PDE4B: variants seen among roughly 807,000 people sequenced by gnomAD.
PDE4B encodes 3',5'-cyclic-AMP phosphodiesterase 4B.
PDE4B carries 20 observed loss-of-function variants against 82.2 expected under a neutral mutation model. That is an observed-to-expected ratio of 0.24 (90% CI 0.17 to 0.35). The LOEUF (loss-of-function observed/expected upper bound fraction) is 0.35, where lower values mean the gene tolerates loss of function less well. Among genes scored for constraint, PDE4B ranks in the 10% least tolerant of loss-of-function variants. The pLI, the probability that PDE4B is intolerant of heterozygous loss-of-function variation, is 1.00. For missense variants in PDE4B, 655 were observed against 907.2 expected (o/e 0.72, Z 3.57); for synonymous variants, 320 against 318.9 (o/e 1.00, Z -0.04).
intron 1 of PDE4B, among the ~76,000 whole-genome samples, chr1:65,794,226 T>C (rs991804035): frequency 2.6e-5 from 4 of 152,212 alleles, no homozygotes; most frequent in African/African-American, 9.6e-5. Flanking sequence ...ATATAACTGT[T>C]CTTTGAATCA....
chr1:66,154,981 C>T (rs1162014395), intron 3 of PDE4B, among the ~76,000 whole-genome samples: 1 of 152,022 alleles, frequency 6.6e-6, no homozygotes, highest in Non-Finnish European at 1.5e-5. Context: ...AATTTGAGAC[C>T]AGCCTGAGCA....
chr1:65,844,472 A>G (rs1646246178), intron 1 of PDE4B, among the ~76,000 whole-genome samples: 1 of 152,194 alleles, frequency 6.6e-6, no homozygotes, highest in African/African-American at 2.4e-5. Flanking sequence ...GACAAATGGA[A>G]GCTTTCCAGC....
chr1:66,322,890 G>A (rs962421223), intron 7 of PDE4B, among the ~76,000 whole-genome samples: 3 of 152,168 alleles, frequency 2.0e-5, no homozygotes, highest in Middle Eastern at 3.4e-3. Context: ...CCCCATTTTA[G>A]AGATGAGGAA....
At chr1:66,023,480 C>A (rs1232183232) in intron 3 of PDE4B, among the ~76,000 whole-genome samples, 2 of 151,938 alleles carry the variant, frequency 1.3e-5, no homozygotes, top group Non-Finnish European at 2.9e-5. Flanking sequence ...GTGGCAGAGA[C>A]AATAAACACA....
intron 3 of PDE4B, among the ~76,000 whole-genome samples, chr1:66,227,418 A>T (rs1015713914): frequency 6.6e-6 from 1 of 152,234 alleles, no homozygotes; most frequent in Admixed American, 6.5e-5. Context: ...TTAAAATATT[A>T]TGTACCTCAT....
intron 7 of PDE4B, among the ~76,000 whole-genome samples, chr1:66,310,890 T>C (rs975713399): frequency 2.0e-5 from 3 of 152,204 alleles, no homozygotes; most frequent in Non-Finnish European, 2.9e-5. Flanking sequence ...TAAACACTAA[T>C]AGTATGTAAA....
intron 1 of PDE4B, among the ~76,000 whole-genome samples, chr1:65,896,045 G>A (rs1228515557): frequency 6.6e-6 from 1 of 151,382 alleles, no homozygotes; most frequent in Non-Finnish European, 1.5e-5. Flanking sequence ...TATATTTGAA[G>A]GATGTTGGTA....
At chr1:65,868,793 A>C (rs1646541436) in intron 1 of PDE4B, among the ~76,000 whole-genome samples, 1 of 152,200 alleles carries the variant, frequency 6.6e-6, no homozygotes, top group Non-Finnish European at 1.5e-5. Flanking sequence ...AGGTGGCATT[A>C]GGTTTTCATA....
intron 7 of PDE4B, among the ~76,000 whole-genome samples, chr1:66,307,923 C>G (rs1658399443): frequency 6.6e-6 from 1 of 152,114 alleles, no homozygotes; most frequent in Admixed American, 6.5e-5. Flanking sequence ...GTCAGGTTCT[C>G]AAGGGTGCTT....
At chr1:66,266,509 A>G (rs1209321802) in intron 7 of PDE4B, among the ~76,000 whole-genome samples, 1 of 152,222 alleles carries the variant, frequency 6.6e-6, no homozygotes, top group Admixed American at 6.5e-5. Context: ...CTTAATGTCA[A>G]CTATAGATTC....
At chr1:66,104,791 T>C (rs1044456094) in intron 3 of PDE4B, among the ~76,000 whole-genome samples, 4 of 150,058 alleles carry the variant, frequency 2.7e-5, no homozygotes, top group South Asian at 4.3e-4. Flanking sequence ...GGGTTGTTTG[T>C]TTTTTTCTTG....
At chr1:66,339,459 C>G (rs1660793018) in intron 8 of PDE4B, among the ~76,000 whole-genome samples, 1 of 152,184 alleles carries the variant, frequency 6.6e-6, no homozygotes, top group South Asian at 2.1e-4. Flanking sequence ...TTGGTTTTAA[C>G]AGAACCATTT....
chr1:66,106,906 T>C (rs1645374016), intron 3 of PDE4B, among the ~76,000 whole-genome samples: 1 of 134,230 alleles, frequency 7.4e-6, no homozygotes. Context: ...GATTCATTAA[T>C]TTTTTGAAGG....
intron 3 of PDE4B, among the ~76,000 whole-genome samples, chr1:66,201,558 CTTTG>C (rs1253170398): frequency 6.7e-6 from 1 of 150,108 alleles, no homozygotes; most frequent in Non-Finnish European, 1.5e-5. Flanking sequence ...TTAACTTCTT[CTTTG>C]TTTAGTCTTG....
chr1:66,239,075 G>A (rs1444310916), intron 3 of PDE4B, among the ~76,000 whole-genome samples: 1 of 152,130 alleles, frequency 6.6e-6, no homozygotes, highest in Non-Finnish European at 1.5e-5. Context: ...TTGATCTTGA[G>A]CTATTGGAAG....
intron 12 of PDE4B, 47 bp from the exon 13 acceptor site, chr1:66,365,620 G>A: frequency 9.2e-7 from 1 of 1,081,166 alleles, no homozygotes; most frequent in South Asian, 1.3e-5. Flanking sequence ...GAATAAGCAG[G>A]ATAGGCGAAT....
At chr1:66,291,441 T>C (rs1406166102) in intron 7 of PDE4B, among the ~76,000 whole-genome samples, 1 of 152,232 alleles carries the variant, frequency 6.6e-6, no homozygotes, top group Non-Finnish European at 1.5e-5. Context: ...TCACATGTTG[T>C]CACCTTTCTA....
At chr1:65,948,388 T>G (rs923069179) in intron 3 of PDE4B, among the ~76,000 whole-genome samples, 1 of 151,902 alleles carries the variant, frequency 6.6e-6, no homozygotes, top group Non-Finnish European at 1.5e-5. Flanking sequence ...GCCTGCAAGC[T>G]TGAGGAGCAA....
intron 3 of PDE4B, among the ~76,000 whole-genome samples, chr1:66,048,579 T>C (rs1654843204): frequency 6.6e-6 from 1 of 151,934 alleles, no homozygotes; most frequent in Non-Finnish European, 1.5e-5. Flanking sequence ...ACCACGGAAC[T>C]TGTGGGCATT....
Sources: gnomAD v4.1 joint callset for allele counts (sites outside exome capture counted in the v4.1 genomes callset) on GRCh38, gnomAD v4.1.1 for gene constraint, MANE v1.5 for transcripts, NCBI Gene and HGNC (gene_info 2026-07-23, HGNC 2026-07-21) for gene names.